The following GRIN2D variants were observed in gnomAD, a reference collection of about 807,000 sequenced individuals.
GRIN2D encodes the protein glutamate ionotropic receptor NMDA type subunit 2D, also known as glutamate receptor ionotropic, NMDA 2D.
Under a neutral mutation model 103.2 loss-of-function variants are expected in GRIN2D, and 37 were observed. That is an observed-to-expected ratio of 0.36 (90% confidence interval 0.28 to 0.47). The LOEUF is 0.47. Ranked by LOEUF, GRIN2D falls within the 20% of genes least tolerant of loss-of-function variation. The pLI, the probability that GRIN2D is intolerant of heterozygous loss-of-function variation, is 1.00. For missense variants in GRIN2D, 1,557 were observed against 1,910.6 expected (o/e 0.81, Z 3.45); for synonymous variants, 845 against 885.6 (o/e 0.95, Z 0.81).
intron 11 of GRIN2D, among the ~76,000 whole-genome samples, chr19:48,436,544 A>G (rs186510817): frequency 2.0e-5 from 3 of 152,356 alleles, no homozygotes; most frequent in South Asian, 2.1e-4. Context: ...AAGGTAGACT[A>G]GTCCCCAGGC....
intron 2 of GRIN2D, among the ~76,000 whole-genome samples, chr19:48,396,842 G>C (rs1318764023): frequency 1.3e-5 from 2 of 152,136 alleles, no homozygotes; most frequent in East Asian, 3.9e-4. Flanking sequence ...GAGCATGACA[G>C]CCAGGAGAGA....
intron 4 of GRIN2D, among the ~76,000 whole-genome samples, chr19:48,412,461 GA>G (rs1184599801): frequency 6.7e-6 from 1 of 149,680 alleles, no homozygotes; most frequent in Non-Finnish European, 1.5e-5. Context: ...AAGAAAGAAA[GA>G]AAGAAAGAAA....
rs1970782229 is a variant in GRIN2D at position 48,405,573 on chromosome 19, C to G, written c.1085+220C>G. On this transcript the variant is annotated intron_variant, in intron 4 of 13. Coordinates refer to ENST00000263269, the MANE Select transcript of GRIN2D (RefSeq NM_000836.4). The surrounding 1 kb of genome is among the most constrained non-coding windows in gnomAD (Gnocchi z 5.1). ...GAGTGTATTACTATATTTCATGACT[C>G]TAAGATGCATAATGTTTCACATTTT... 6.6e-6 allele frequency among the ~76,000 whole-genome samples: 1 copy of G among 152,180 alleles called. No homozygotes were observed. The highest frequency in any genetic ancestry group is 6.5e-5 in the Admixed American group (1 of 15,268).
chr19:48,413,891 G>GGGGGCT (rs1970908089), intron 4 of GRIN2D, 100 bp from the exon 5 acceptor site: 1 of 715,388 alleles, frequency 1.4e-6, no homozygotes, highest in African/African-American at 1.7e-5. Flanking sequence ...GATTCCAGCT[G>GGGGGCT]GGGGCTGGGG....
At chr19:48,441,703 T>G (rs1971293546) in intron 11 of GRIN2D, 66 bp from the exon 12 acceptor site, 1 of 1,371,686 alleles carries the variant, frequency 7.3e-7, no homozygotes, top group Non-Finnish European at 1.0e-6. Flanking sequence ...GGTGAGGAGG[T>G]TCCAGGCCTG....
At chr19:48,406,823 A>G (rs1970797901) in intron 4 of GRIN2D, among the ~76,000 whole-genome samples, 1 of 152,184 alleles carries the variant, frequency 6.6e-6, no homozygotes, top group Non-Finnish European at 1.5e-5. Flanking sequence ...TGCATGAAGC[A>G]GAGTCTCACT....
chr19:48,395,616 G>A (rs369469857), intron 2 of GRIN2D, among the ~76,000 whole-genome samples: 3 of 152,006 alleles, frequency 2.0e-5, no homozygotes, highest in Non-Finnish European at 4.4e-5. Flanking sequence ...GGATGCTGTG[G>A]GGGGCAATGA....
Position 48,443,964 on chromosome 19 carries a change from C to CT in GRIN2D, c.*29dup. 2 of 1,361,770 alleles carry CT rather than the reference C, an allele frequency of 1.5e-6. No individual in the cohort carries two copies. The highest frequency in any genetic ancestry group is 1.9e-6 in the Non-Finnish European group (2 of 1,053,586). The allele number at this position is 1,361,770 out of a possible 1,614,324, so 84.4% of individuals were successfully genotyped here. A position where few individuals can be genotyped will look rare whatever the true frequency, so the allele number is the denominator to read the frequency against. On this transcript the variant is annotated 3_prime_UTR_variant, in exon 14 of 14. Transcript: ENST00000263269. This position sits in a 1 kb window ranked among gnomAD's most constrained non-coding sequence, Gnocchi z 8.9. ...GCGGCCCCGGGGGCCCCACCGCCCC[C>CT]TTGGTCAGCGCAGGCCACGGCCCGA...
At chr19:48,395,232 C>T (rs951340755) in intron 2 of GRIN2D, among the ~76,000 whole-genome samples, 15 of 151,956 alleles carry the variant, frequency 9.9e-5, no homozygotes, top group African/African-American at 3.6e-4. Context: ...CCCTGTGCCT[C>T]CATCTCTCTA....
chr19:48,397,421 T>A (rs936805940), intron 2 of GRIN2D, among the ~76,000 whole-genome samples: 2 of 152,066 alleles, frequency 1.3e-5, no homozygotes, highest in African/African-American at 4.8e-5. Context: ...ACCTCCCTGG[T>A]GGGGGTCCCG....
intron 11 of GRIN2D, among the ~76,000 whole-genome samples, chr19:48,438,112 C>CCA (rs1971252020): frequency 6.6e-6 from 1 of 151,888 alleles, no homozygotes; most frequent in South Asian, 2.1e-4. Flanking sequence ...ACGCAAACAA[C>CCA]CACACACACA....
At chr19:48,431,585 CTTTTTT>C (rs1377100099) in intron 11 of GRIN2D, among the ~76,000 whole-genome samples, 2 of 140,276 alleles carry the variant, frequency 1.4e-5, no homozygotes, top group East Asian at 4.1e-4. Context: ...ATCTGTTTCC[CTTTTTT>C]TTTTTTTTTT....
intron 11 of GRIN2D, among the ~76,000 whole-genome samples, chr19:48,433,980 G>A (rs1184693174): frequency 4.7e-5 from 7 of 148,114 alleles, no homozygotes; most frequent in African/African-American, 1.3e-4. Context: ...ATGGAGTCTC[G>A]CTCTGTTGCC....
intron 2 of GRIN2D, among the ~76,000 whole-genome samples, chr19:48,396,225 G>A (rs1294310660): frequency 4.6e-5 from 7 of 152,106 alleles, no homozygotes; most frequent in Non-Finnish European, 8.8e-5. Context: ...TGATCCCTGA[G>A]GGCGTGGGTT....
intron 4 of GRIN2D, 70 bp from the exon 5 acceptor site, chr19:48,413,921 C>T (rs1356536426): frequency 1.1e-6 from 1 of 873,272 alleles, no homozygotes. Context: ...AGAAAGGGGA[C>T]TTTCTCTGCC....
intron 11 of GRIN2D, among the ~76,000 whole-genome samples, chr19:48,425,953 A>G (rs1971080586): frequency 6.6e-6 from 1 of 152,074 alleles, no homozygotes; most frequent in South Asian, 2.1e-4. Flanking sequence ...GTCACCATAG[A>G]ATATCATATA....
chr19:48,441,716 G>T, intron 11 of GRIN2D, 53 bp from the exon 12 acceptor site: 1 of 1,480,098 alleles, frequency 6.8e-7, no homozygotes. Flanking sequence ...CAGGCCTGGC[G>T]GCCAGGGCAT....
intron 11 of GRIN2D, among the ~76,000 whole-genome samples, chr19:48,425,987 G>A (rs906082917): frequency 3.3e-5 from 5 of 151,992 alleles, no homozygotes; most frequent in African/African-American, 9.7e-5. Flanking sequence ...GATTTTGAAC[G>A]TCCTCTAAAC....
chr19:48,421,963 C>A lies in GRIN2D; in HGVS notation c.2252+18C>A. On this transcript the variant is annotated intron_variant, in intron 11 of 13. Coordinates refer to ENST00000263269, the MANE Select transcript of GRIN2D (RefSeq NM_000836.4). The surrounding 1 kb of genome is among the most constrained non-coding windows in gnomAD (Gnocchi z 4.8). ...AAGGCAGGGTCAGCGCAGACTCGGGCCGGGGGTGGGGGTTGGGCCGCTGGG... is the reference window on the plus strand; with the variant it reads ...AAGGCAGGGTCAGCGCAGACTCGGGACGGGGGTGGGGGTTGGGCCGCTGGG... 1 of 1,610,944 alleles carries A rather than the reference C, an allele frequency of 6.2e-7. No homozygotes were observed. The highest frequency in any genetic ancestry group is 8.5e-7 in the Non-Finnish European group (1 of 1,178,148).
Sources: allele counts gnomAD v4.1 joint callset (sites outside exome capture counted in the v4.1 genomes callset), GRCh38; gene constraint gnomAD v4.1.1; non-coding constraint Gnocchi (gnomAD v3.1); transcripts MANE v1.5; gene names NCBI Gene and HGNC (gene_info 2026-07-23, HGNC 2026-07-21).